GSN: variants seen among roughly 807,000 people sequenced by gnomAD.
GSN encodes the protein gelsolin.
GSN carries 56 observed loss-of-function variants against 85.7 expected under a neutral mutation model. That is an observed-to-expected ratio of 0.65 (90% CI 0.53 to 0.82). The LOEUF (loss-of-function observed/expected upper bound fraction) is 0.82, where lower values mean the gene tolerates loss of function less well. Ranked by LOEUF, GSN falls within the 40% of genes least tolerant of loss-of-function variation. GSN has a pLI of 0.00. For synonymous variants in GSN, 373 were observed against 399.1 expected (o/e 0.93, Z 0.78); for missense variants, 857 against 979.8 (o/e 0.87, Z 1.67).
chr9:121,216,753 T>C (rs1173152111), intron 4 of GSN, among the ~76,000 whole-genome samples: 1 of 152,238 alleles, frequency 6.6e-6, no homozygotes, highest in Admixed American at 6.5e-5. Context: ...ACAGGAATTT[T>C]ACCTTGGTCA....
Position 121,329,006 on chromosome 9 carries a change from A to T in GSN, c.1878A>T (p.Gly626=). Residue 626 remains glycine (G), a synonymous_variant, in exon 15 of 18, where the codon GGA becomes GGT. Transcript: ENST00000432226. This position sits in a 1 kb window ranked among gnomAD's most constrained non-coding sequence, Gnocchi z 4.6. ...TCTTTGCCTGCTCCAACAAGATTGG[A>T]CGTTTTGTGGTGAGCCCCTGCGGAG... ...PRLFACSNKI[G]RFVIEEVPGE... is the part of the protein sequence containing the mutation. 2 of 1,613,796 alleles carry T rather than the reference A, an allele frequency of 1.2e-6. No homozygotes were observed. Among genetic ancestry groups the T allele is most frequent in the Non-Finnish European group, 1.7e-6 (2 of 1,180,010 alleles).
chr9:121,245,475 G>A (rs1453379769), intron 5 of GSN, among the ~76,000 whole-genome samples: 2 of 152,118 alleles, frequency 1.3e-5, no homozygotes, highest in Non-Finnish European at 2.9e-5. Context: ...TCATGCCTCA[G>A]CCCCTCTAGT....
chr9:121,299,651 C>T lies in GSN; in HGVS notation c.-9-2312C>T. 6.3e-6 allele frequency: 4 copies of T among 631,810 alleles called. No individual in the cohort carries two copies. The highest frequency in any genetic ancestry group is 8.5e-6 in the Non-Finnish European group (4 of 469,818). 39.1% of individuals were successfully genotyped at this position (631,810 alleles called of 1,614,324 possible). A position where few individuals can be genotyped will look rare whatever the true frequency, so the allele number is the denominator to read the frequency against. On this transcript the variant is annotated intron_variant, in intron 2 of 17. Coordinates refer to ENST00000432226, the MANE Select transcript of GSN (RefSeq NM_198252.3). The surrounding 1 kb of genome is among the most constrained non-coding windows in gnomAD (Gnocchi z 4.2). ...CCGTATGTCAGGCCTGGTGCTGGGT[C>T]TCCGCCCCGGAGCTGGGGTGCAGGG...
At chr9:121,295,735 C>G (rs2059153112) in intron 2 of GSN, among the ~76,000 whole-genome samples, 2 of 152,174 alleles carry the variant, frequency 1.3e-5, no homozygotes, top group African/African-American at 4.8e-5. Flanking sequence ...CTGTACAGCC[C>G]CCATCCTGTG....
At chr9:121,225,083 T>G (rs529668987) in intron 4 of GSN, among the ~76,000 whole-genome samples, 22 of 152,296 alleles carry the variant, frequency 1.4e-4, no homozygotes, top group African/African-American at 4.6e-4. Flanking sequence ...CCTCCCAAAG[T>G]GCTGGGATTA....
At chr9:121,326,856 CT>C (rs774378129) in intron 13 of GSN, 174 bp downstream of exon 13, 29 of 774,412 alleles carry the variant, frequency 3.7e-5, no homozygotes, top group Non-Finnish European at 6.2e-5. Flanking sequence ...AGACTCCCCC[CT>C]GTTTCAAGGA....
chr9:121,276,921 C>T (rs1253264838), intron 1 of GSN, among the ~76,000 whole-genome samples: 4 of 151,532 alleles, frequency 2.6e-5, no homozygotes, highest in African/African-American at 9.7e-5. Flanking sequence ...TGCACATGTA[C>T]CCTAGAACTT....
At chr9:121,220,933 CA>C (rs781516987) in intron 4 of GSN, among the ~76,000 whole-genome samples, 1 of 152,144 alleles carries the variant, frequency 6.6e-6, no homozygotes, top group Non-Finnish European at 1.5e-5. Context: ...AATAGATGTA[CA>C]GAAAAATATT....
chr9:121,207,264 C>G (rs2053896657), upstream of GSN, among the ~76,000 whole-genome samples: 2 of 152,110 alleles, frequency 1.3e-5, no homozygotes, highest in Admixed American at 6.5e-5. Context: ...ACTTCTGAGT[C>G]AAAGACAGAG....
At position 121,329,142 on chromosome 9, in the gene GSN, C is replaced by G; in HGVS notation, c.1888-96C>G. ...CACAGAGGAAGGGGCCCCCTGCCAGCTGCAGCCAGCTGTGCCACTCCCTCA... is the reference window on the plus strand; with the variant it reads ...CACAGAGGAAGGGGCCCCCTGCCAGGTGCAGCCAGCTGTGCCACTCCCTCA... On this transcript the variant is annotated intron_variant, in intron 15 of 17. Coordinates refer to ENST00000432226, the MANE Select transcript of GSN (RefSeq NM_198252.3). The surrounding 1 kb of genome is among the most constrained non-coding windows in gnomAD (Gnocchi z 4.6). 2.0e-6 allele frequency: 3 copies of G among 1,475,856 alleles called. No individual in the cohort carries two copies. The African/African-American group carries it at 4.1e-5, about 20-fold the overall frequency. 91.4% of individuals were successfully genotyped at this position (1,475,856 alleles called of 1,614,324 possible). A position where few individuals can be genotyped will look rare whatever the true frequency, so the allele number is the denominator to read the frequency against.
chr9:121,268,054 G>A (rs1442568570), upstream of GSN: 2 of 151,730 alleles, frequency 1.3e-5, no homozygotes, highest in African/African-American at 4.8e-5. Flanking sequence ...GGAGGGCCTG[G>A]CGCTCCTCCC....
chr9:121,223,820 G>A (rs916775032), intron 4 of GSN, among the ~76,000 whole-genome samples: 5 of 148,836 alleles, frequency 3.4e-5, no homozygotes, highest in Non-Finnish European at 6.0e-5. Flanking sequence ...CCACCACGCC[G>A]GCTAAATTTT....
At chr9:121,236,177 T>G (rs1281455651) in intron 5 of GSN, among the ~76,000 whole-genome samples, 1 of 152,142 alleles carries the variant, frequency 6.6e-6, no homozygotes, top group Admixed American at 6.5e-5. Context: ...CTCTCTTTTT[T>G]TTCTTTTTCC....
At chr9:121,322,643 G>A (rs2062620741) in intron 11 of GSN, among the ~76,000 whole-genome samples, 1 of 152,116 alleles carries the variant, frequency 6.6e-6, no homozygotes, top group African/African-American at 2.4e-5. Context: ...AGTGTTCGTA[G>A]CATTTTACAT....
chr9:121,319,504 A>G (rs1441255929), intron 10 of GSN, among the ~76,000 whole-genome samples: 2 of 149,130 alleles, frequency 1.3e-5, no homozygotes, highest in Non-Finnish European at 3.0e-5. Flanking sequence ...TTTTTTTTTA[A>G]TAGAGACAGG....
In GSN at chr9:121,326,837, G is replaced by A. The variant is rs756894283; in HGVS notation, c.1587+155G>A. On this transcript the variant is annotated intron_variant, in intron 13 of 17. Transcript: ENST00000432226. The stretch of plus-strand genomic sequence containing the variant: ...ATTTTCCTGCCGTGGCCACAGGGTT[G>A]TCTGTCTTAGACTCCCCCCTGTTTC... 7.4e-6 allele frequency: 6 copies of A among 805,910 alleles called. No individual in the cohort carries two copies. The South Asian group carries it at 8.2e-5, about 11-fold the overall frequency. The allele number at this position is 805,910 out of a possible 1,614,324, so 49.9% of individuals were successfully genotyped here.
intron 6 of GSN, among the ~76,000 whole-genome samples, chr9:121,249,223 G>A (rs562427767): frequency 7.2e-5 from 11 of 152,162 alleles, no homozygotes; most frequent in African/African-American, 2.4e-4. Context: ...CTCTGGGAGG[G>A]TGAGGCGAGT....
chr9:121,252,520 G>T (rs1006684949), intron 6 of GSN, among the ~76,000 whole-genome samples: 4 of 152,240 alleles, frequency 2.6e-5, no homozygotes, highest in Non-Finnish European at 5.9e-5. Flanking sequence ...TCTTTTGGCA[G>T]TTGGAGGAAC....
chr9:121,282,568 TG>T (rs1322309371), intron 2 of GSN: 5 of 1,206,358 alleles, frequency 4.1e-6, no homozygotes, highest in Non-Finnish European at 5.3e-6. Context: ...GGCTTTTTGG[TG>T]GTCCCCAGGA....
Sources: gnomAD v4.1 joint callset for allele counts (sites outside exome capture counted in the v4.1 genomes callset) on GRCh38, gnomAD v4.1.1 for gene constraint, Gnocchi (gnomAD v3.1) non-coding constraint, MANE v1.5 for transcripts, NCBI Gene and HGNC (gene_info 2026-07-23, HGNC 2026-07-21) for gene names.